Variants in PPP2CA observed in about 807,000 individuals in gnomAD.
PPP2CA encodes the protein protein phosphatase 2 catalytic subunit alpha.
In PPP2CA, 5 loss-of-function variants were observed where a neutral mutation model predicts 38.8. That is an observed-to-expected ratio of 0.13 (90% CI 0.07 to 0.27). The LOEUF is 0.27. Ranked by LOEUF, PPP2CA falls within the 10% of genes least tolerant of loss-of-function variation. The pLI is 1.00. For synonymous variants in PPP2CA, 152 were observed against 134.0 expected (o/e 1.13, Z -0.93); for missense variants, 88 against 389.7 (o/e 0.23, Z 6.52).
Position 134,195,257 on chromosome 5 carries a change from CTCTT to C in PPP2CA, c.*2511_*2514del, listed in dbSNP as rs1202845447. 3 of 152,058 alleles carry C rather than the reference CTCTT, an allele frequency of 2.0e-5. No homozygotes were observed. 9.4% of individuals were successfully genotyped at this position (152,058 alleles called of 1,614,324 possible). On this transcript the variant is annotated 3_prime_UTR_variant, in exon 7 of 7. Transcript: ENST00000481195. ...GCCCTCACTATACAAACTCAGAATCCTCTTTATTTTTGAGACAGGGTCTGGCTCT... is the reference window on the plus strand; with the variant it reads ...GCCCTCACTATACAAACTCAGAATCCTATTTTTGAGACAGGGTCTGGCTCT...
At position 134,195,854 on chromosome 5, in the gene PPP2CA, T is replaced by TA. The variant is rs755544740; in HGVS notation, c.*1917dup. ...GTCCCATTCTGCTAACCACAAAATT[T>TA]AGAGAATTTGTACCTGGAAGATACC... On this transcript the variant is annotated 3_prime_UTR_variant, in exon 7 of 7. Transcript: ENST00000481195. The TA allele has an allele frequency of 2.6e-5, 4 of 152,204 alleles. No homozygotes were observed. The highest frequency in any genetic ancestry group is 5.9e-5 in the Non-Finnish European group (4 of 68,034). The allele number at this position is 152,204 out of a possible 1,614,324, so 9.4% of individuals were successfully genotyped here.
intron 1 of PPP2CA, among the ~76,000 whole-genome samples, chr5:134,214,149 A>T (rs1762268859): frequency 6.7e-6 from 1 of 149,330 alleles, no homozygotes; most frequent in Non-Finnish European, 1.5e-5. Context: ...AAAAAAGGCT[A>T]AAAAAAAAAT....
At chr5:134,209,666 T>A (rs1476381506) in intron 1 of PPP2CA, among the ~76,000 whole-genome samples, 1 of 151,910 alleles carries the variant, frequency 6.6e-6, no homozygotes. Flanking sequence ...TAATCTCAGC[T>A]ACTTGGGAAG....
intron 1 of PPP2CA, among the ~76,000 whole-genome samples, chr5:134,220,486 A>C (rs1389531001): frequency 6.9e-6 from 1 of 145,742 alleles, no homozygotes; most frequent in African/African-American, 2.5e-5. Context: ...AAAGCCCACA[A>C]AAACAAAAAT....
intron 1 of PPP2CA, among the ~76,000 whole-genome samples, chr5:134,210,200 G>C (rs1762175097): frequency 6.6e-6 from 1 of 152,156 alleles, no homozygotes; most frequent in South Asian, 2.1e-4. Flanking sequence ...AATAAGAGCG[G>C]CTTTATGGAT....
rs1437456562 is a variant in PPP2CA at position 134,194,550 on chromosome 5, TC to T, written c.*3221del. Reference sequence around the variant, plus strand: ...GGTACATTTTAATTCCTTATCAACATCCATGAACCACCACCATGTATCCCAA... The same window carrying T: ...GGTACATTTTAATTCCTTATCAACATCATGAACCACCACCATGTATCCCAA... On this transcript the variant is annotated 3_prime_UTR_variant, in exon 7 of 7. Coordinates refer to ENST00000481195, the MANE Select transcript of PPP2CA (RefSeq NM_002715.4). The T allele has an allele frequency of 1.3e-5, 2 of 152,276 alleles. No homozygotes were observed. The highest frequency in any genetic ancestry group is 2.9e-5 in the Non-Finnish European group (2 of 68,042). The allele number at this position is 152,276 out of a possible 1,614,324, so 9.4% of individuals were successfully genotyped here.
intron 1 of PPP2CA, among the ~76,000 whole-genome samples, chr5:134,213,838 A>C (rs1762260650): frequency 6.6e-6 from 1 of 152,240 alleles, no homozygotes; most frequent in Admixed American, 6.5e-5. Flanking sequence ...CATTAAAAAA[A>C]GGCTGAAAAG....
chr5:134,215,101 T>A (rs1395636105), intron 1 of PPP2CA, among the ~76,000 whole-genome samples: 1 of 149,526 alleles, frequency 6.7e-6, no homozygotes, highest in Non-Finnish European at 1.5e-5. Context: ...TATTTACTTT[T>A]TTTTTTTTTT....
At chr5:134,200,936 C>T (rs369189354) in intron 4 of PPP2CA, 49 bp downstream of exon 4, 474 of 1,409,710 alleles carry the variant, frequency 3.4e-4, no homozygotes, top group Non-Finnish European at 4.4e-4. Context: ...TAAACTTCTC[C>T]ACTCCCTAAT....
At chr5:134,217,830 T>A in intron 1 of PPP2CA, among the ~76,000 whole-genome samples, 1 of 152,324 alleles carries the variant, frequency 6.6e-6, no homozygotes, top group Admixed American at 6.5e-5. Context: ...CACAGAGTGG[T>A]CTTACACAAA....
chr5:134,213,305 T>C (rs1762246174), intron 1 of PPP2CA, among the ~76,000 whole-genome samples: 1 of 152,054 alleles, frequency 6.6e-6, no homozygotes, highest in African/African-American at 2.4e-5. Context: ...TTATGCTAAA[T>C]CTACTACGCC....
chr5:134,204,198 A>T (rs1025270480), intron 2 of PPP2CA, among the ~76,000 whole-genome samples: 2 of 152,266 alleles, frequency 1.3e-5, no homozygotes, highest in Admixed American at 6.5e-5. Context: ...AGTCTGTGAC[A>T]GCCATTTATC....
chr5:134,223,364 T>C (rs1224607920), intron 1 of PPP2CA, among the ~76,000 whole-genome samples: 1 of 152,204 alleles, frequency 6.6e-6, no homozygotes, highest in Non-Finnish European at 1.5e-5. Context: ...AAACATCAGT[T>C]CATGGATTCT....
In PPP2CA at chr5:134,194,433, T is replaced by C. The variant is rs779714303; in HGVS notation, c.*3339A>G. 1.3e-5 allele frequency: 2 copies of C among 152,206 alleles called. No individual in the cohort carries two copies. Among genetic ancestry groups the C allele is most frequent in the African/African-American group, 2.4e-5 (1 of 41,454 alleles). The allele number at this position is 152,206 out of a possible 1,614,324, so 9.4% of individuals were successfully genotyped here. On this transcript the variant is annotated 3_prime_UTR_variant, in exon 7 of 7. Transcript: ENST00000481195. Reference sequence around the variant, plus strand: ...TACCAAACTATAGGTTACTAAACTATAGGCCCATTTCTAAGAACACATTTA... The same window carrying C: ...TACCAAACTATAGGTTACTAAACTACAGGCCCATTTCTAAGAACACATTTA...
Position 134,208,435 on chromosome 5 carries a change from C to T in PPP2CA, c.103-2304G>A, listed in dbSNP as rs1214580391. Among the ~76,000 whole-genome samples, 3 of 152,168 alleles carry T rather than the reference C, an allele frequency of 2.0e-5. No homozygotes were observed. In the East Asian group the frequency reaches 5.8e-4, roughly 29 times the overall value. ...TTTTAAACTATACAAATTAGTAATA[C>T]ATTCTTGTAAAAAATTTCGGCACAG... is the stretch of plus-strand genomic sequence containing the variant. On this transcript the variant is annotated intron_variant, in intron 1 of 6. Transcript: ENST00000481195.
At chr5:134,202,156 C>A in intron 2 of PPP2CA, 135 bp from the exon 3 acceptor site, 3 of 819,098 alleles carry the variant, frequency 3.7e-6, no homozygotes, top group Non-Finnish European at 5.5e-6. Flanking sequence ...TCATAGTGAA[C>A]CAAAACCACA....
chr5:134,205,663 A>G (rs970759184), intron 2 of PPP2CA: 28 of 387,756 alleles, frequency 7.2e-5, no homozygotes, highest in Non-Finnish European at 1.4e-4. Flanking sequence ...GATTACAGGC[A>G]TAAGCCATCA....
At chr5:134,212,756 A>C (rs1401618259) in intron 1 of PPP2CA, among the ~76,000 whole-genome samples, 2 of 152,238 alleles carry the variant, frequency 1.3e-5, no homozygotes, top group Non-Finnish European at 2.9e-5. Flanking sequence ...TACTTCAGTG[A>C]ACACACAAAT....
At chr5:134,216,369 T>C (rs1161392336) in intron 1 of PPP2CA, among the ~76,000 whole-genome samples, 2 of 151,326 alleles carry the variant, frequency 1.3e-5, no homozygotes, top group Admixed American at 6.6e-5. Context: ...AAACACCCCC[T>C]CCCCTACTAA....
Sources: allele counts gnomAD v4.1 joint callset (sites outside exome capture counted in the v4.1 genomes callset), GRCh38; gene constraint gnomAD v4.1.1; transcripts MANE v1.5; gene names NCBI Gene and HGNC (gene_info 2026-07-23, HGNC 2026-07-21).